The following PCDHGB2 variants were observed in gnomAD, a reference collection of about 807,000 sequenced individuals.
PCDHGB2 encodes the protein protocadherin gamma subfamily B, 2.
A neutral mutation model predicts 59.3 loss-of-function variants in PCDHGB2; 55 were observed. That is an observed-to-expected ratio of 0.93 (90% CI 0.75 to 1.16). PCDHGB2 has a LOEUF of 1.16. PCDHGB2 is among the 50% of genes most tolerant of loss of function. The probability of loss-of-function intolerance (pLI) is 0.00; values close to 1 mark genes in which losing one functional copy is unlikely to be tolerated. For synonymous variants in PCDHGB2, 516 were observed against 512.0 expected (o/e 1.01, Z -0.11); for missense variants, 1,228 against 1,198.5 (o/e 1.02, Z -0.36).
chr5:141,409,912 C>A (rs775668669), intron 1 of PCDHGB2: 2 of 1,613,180 alleles, frequency 1.2e-6, no homozygotes, highest in African/African-American at 2.7e-5. Flanking sequence ...TGGGTCCTGA[C>A]GGCTCCGCGT....
At chr5:141,458,172 T>A (rs1023447659) in intron 1 of PCDHGB2, among the ~76,000 whole-genome samples, 2 of 152,216 alleles carry the variant, frequency 1.3e-5, no homozygotes, top group African/African-American at 4.8e-5. Flanking sequence ...CACAGTAGTA[T>A]ACCTTACTTG....
intron 1 of PCDHGB2, chr5:141,419,788 A>G (rs750179874): frequency 6.2e-7 from 1 of 1,614,054 alleles, no homozygotes; most frequent in Non-Finnish European, 8.5e-7. Context: ...AGCGCCTGCT[A>G]GTCGCTGTAA....
At chr5:141,427,327 C>T (rs2097016376) in intron 1 of PCDHGB2, 1 of 457,028 alleles carries the variant, frequency 2.2e-6, no homozygotes, top group African/African-American at 2.0e-5. Flanking sequence ...GTGGTTTTTA[C>T]TTCAGTGTCC....
intron 1 of PCDHGB2, among the ~76,000 whole-genome samples, chr5:141,481,245 T>C (rs1362728826): frequency 6.6e-6 from 1 of 152,194 alleles, no homozygotes; most frequent in East Asian, 1.9e-4. Context: ...TTACATAGCA[T>C]AGCTCTAAAA....
chr5:141,407,661 T>G (rs964293417), intron 1 of PCDHGB2, among the ~76,000 whole-genome samples: 13 of 152,164 alleles, frequency 8.5e-5, no homozygotes, highest in African/African-American at 2.7e-4. Flanking sequence ...GAGCGCAGTA[T>G]ATATTAAACA....
rs1344329529 is a variant in PCDHGB2, at chr5:141,456,847, C to T, written c.2422-37960C>T. Among the ~76,000 whole-genome samples the T allele has an allele frequency of 2.0e-5, 3 of 152,084 alleles. No homozygotes were observed. The East Asian group carries it at 5.8e-4, about 29-fold the overall frequency. ...TCGTGGTAGTGGGCGCCTGTAATCC[C>T]AGCTAATTGGGAGGCTGAGGCAGGA... On this transcript the variant is annotated intron_variant, in intron 1 of 3. Transcript: ENST00000522605.
chr5:141,384,768 G>C (rs1046016115), intron 1 of PCDHGB2: 4 of 1,613,804 alleles, frequency 2.5e-6, no homozygotes, highest in Non-Finnish European at 3.4e-6. Context: ...GGCTGTACAC[G>C]GGCGAGGTGC....
At chr5:141,415,024 G>C in intron 1 of PCDHGB2, 1 of 1,613,568 alleles carries the variant, frequency 6.2e-7, no homozygotes, top group Non-Finnish European at 8.5e-7. Flanking sequence ...CAAGGCCAGC[G>C]AGCCGGGACT....
At chr5:141,465,867 A>G (rs1049493106) in intron 1 of PCDHGB2, among the ~76,000 whole-genome samples, 5 of 152,040 alleles carry the variant, frequency 3.3e-5, no homozygotes, top group African/African-American at 9.7e-5. Context: ...TCATGCCTGT[A>G]ATCCCAGCAC....
At chr5:141,382,364 T>C (rs919179170) in intron 1 of PCDHGB2, among the ~76,000 whole-genome samples, 3 of 152,264 alleles carry the variant, frequency 2.0e-5, no homozygotes, top group African/African-American at 7.2e-5. Flanking sequence ...AAATAAAATT[T>C]ACCTTTTTGC....
Position 141,485,048 on chromosome 5 carries a change from C to T in PCDHGB2, c.2422-9759C>T. ...AAACGGCGCGTAACCCTTGCGGCGC[C>T]GGCCGAACCGCGCCAGAGCTGGCGC... On this transcript the variant is annotated intron_variant, in intron 1 of 3. Transcript: ENST00000522605. The surrounding 1 kb of genome is among the most constrained non-coding windows in gnomAD (Gnocchi z 5.7). 1 of 770,392 alleles carries T rather than the reference C, an allele frequency of 1.3e-6. No individual in the cohort carries two copies. Among genetic ancestry groups the T allele is most frequent in the South Asian group, 1.7e-5 (1 of 58,120 alleles). 47.7% of individuals were successfully genotyped at this position (770,392 alleles called of 1,614,324 possible). A position where few individuals can be genotyped will look rare whatever the true frequency, so the allele number is the denominator to read the frequency against.
intron 1 of PCDHGB2, among the ~76,000 whole-genome samples, chr5:141,445,077 T>C (rs778919022): frequency 5.9e-5 from 9 of 152,242 alleles, no homozygotes; most frequent in Non-Finnish European, 1.2e-4. Flanking sequence ...CTCATTAAAT[T>C]GTCCCTACAT....
rs747509171 is a variant in PCDHGB2, at chr5:141,477,069, A to G, written c.2422-17738A>G. The stretch of plus-strand genomic sequence containing the variant: ...CTGGACTTCGAGGACACCAAACTCC[A>G]TGAGATTTACATCCAGGCCAAAGAC... On this transcript the variant is annotated intron_variant, in intron 1 of 3. Coordinates refer to ENST00000522605, the MANE Select transcript of PCDHGB2 (RefSeq NM_018923.3). The surrounding 1 kb of genome is among the most constrained non-coding windows in gnomAD (Gnocchi z 4.9). 7 of 1,614,246 alleles carry G rather than the reference A, an allele frequency of 4.3e-6. No homozygotes were observed. The highest frequency in any genetic ancestry group is 5.9e-6 in the Non-Finnish European group (7 of 1,180,026).
intron 1 of PCDHGB2, among the ~76,000 whole-genome samples, chr5:141,463,124 T>C (rs2099053100): frequency 6.6e-6 from 1 of 152,174 alleles, no homozygotes; most frequent in African/African-American, 2.4e-5. Context: ...AATAGCTCCC[T>C]GGCAGTTCTT....
At chr5:141,367,872 ATTC>A (rs771117453) in intron 1 of PCDHGB2, 5 of 152,254 alleles carry the variant, frequency 3.3e-5, no homozygotes, top group African/African-American at 9.6e-5. Context: ...TGTAGGTGCA[ATTC>A]TTCTTTATTA....
At chr5:141,375,842 C>A (rs547807235) in intron 1 of PCDHGB2, 13 of 1,614,122 alleles carry the variant, frequency 8.1e-6, no homozygotes, top group Non-Finnish European at 1.1e-5. Flanking sequence ...GCCCGGCTAC[C>A]TGGTGACCAA....
At chr5:141,468,836 A>G (rs1286137807) in intron 1 of PCDHGB2, among the ~76,000 whole-genome samples, 1 of 152,170 alleles carries the variant, frequency 6.6e-6, no homozygotes, top group East Asian at 1.9e-4. Flanking sequence ...ACTGCACTCC[A>G]GCCTGGGCAA....
rs193144866 is a variant in PCDHGB2 at position 141,382,042 on chromosome 5, T to C, written c.2421+19486T>C. ...CGGGGTTTCTCCATGTTGGTCAGGC[T>C]GGTCTCAAGCTCCCGACCTCAGGTG... On this transcript the variant is annotated intron_variant, in intron 1 of 3. Coordinates refer to ENST00000522605, the MANE Select transcript of PCDHGB2 (RefSeq NM_018923.3). 9.8e-3 allele frequency among the ~76,000 whole-genome samples: 1,492 copies of C among 152,104 alleles called. 23 individuals carry two copies. Among genetic ancestry groups the C allele is most frequent in the African/African-American group, 0.034 (1,390 of 41,456 alleles).
At chr5:141,379,214 T>A (rs1775449550) in intron 1 of PCDHGB2, 1 of 152,234 alleles carries the variant, frequency 6.6e-6, no homozygotes, top group Non-Finnish European at 1.5e-5. Flanking sequence ...CTGCTAAGAG[T>A]AATATGTGTT....
Sources: gnomAD v4.1 joint callset for allele counts (sites outside exome capture counted in the v4.1 genomes callset) on GRCh38, gnomAD v4.1.1 for gene constraint, Gnocchi (gnomAD v3.1) non-coding constraint, MANE v1.5 for transcripts, NCBI Gene and HGNC (gene_info 2026-07-23, HGNC 2026-07-21) for gene names.